FRMPD4: variants seen among roughly 807,000 people sequenced by gnomAD.
FRMPD4 encodes FERM and PDZ domain containing 4.
A neutral mutation model predicts 94.1 loss-of-function variants in FRMPD4; 22 were observed. The ratio of observed to expected loss-of-function variants is 0.23; its 90% CI spans 0.17 to 0.33. The LOEUF is 0.33. Among genes scored for constraint, FRMPD4 ranks in the 10% least tolerant of loss-of-function variants. FRMPD4 has a pLI of 1.00. For missense variants in FRMPD4, 1,111 were observed against 1,339.9 expected (o/e 0.83, Z 2.67); for synonymous variants, 631 against 548.6 (o/e 1.15, Z -2.10).
chrX:12,086,683 T>C (rs2055113975), intron 3 of FRMPD4, among the ~76,000 whole-genome samples: 1 of 111,750 alleles, frequency 8.9e-6, no homozygotes, highest in African/African-American at 3.3e-5. Flanking sequence ...GAGAACACTC[T>C]ATTCATTTTC....
At chrX:12,046,057 C>T (rs2054783326) in intron 3 of FRMPD4, among the ~76,000 whole-genome samples, 1 of 111,064 alleles carries the variant, frequency 9.0e-6, no homozygotes, top group Admixed American at 9.6e-5. Flanking sequence ...CATTCTAAAC[C>T]TTTATGATAA....
chrX:11,824,836 A>G (rs894987554), intron 1 of FRMPD4, among the ~76,000 whole-genome samples: 1 of 110,665 alleles, frequency 9.0e-6, no homozygotes. Context: ...GAGCTCCACA[A>G]TATTTTGTTG....
chrX:12,716,640 C>T lies in FRMPD4; in HGVS notation c.2181C>T (p.Ala727=), dbSNP rs752460391. The T allele has an allele frequency of 3.3e-6, 4 of 1,210,005 alleles. No homozygotes were observed. The highest frequency in any genetic ancestry group is 3.0e-5 in the East Asian group (1 of 33,832). Residue 727 remains alanine (A), a synonymous_variant, in exon 15 of 17, where the codon GCC becomes GCT. Transcript: ENST00000675598. ...ANIGDVKSFQ[A]AEGIEEPLLH... ...TAGGCGATGTGAAGAGCTTCCAGGCCGCGGAGGGGATCGAGGAACCCCTCT... is the reference window on the plus strand; with the variant it reads ...TAGGCGATGTGAAGAGCTTCCAGGCTGCGGAGGGGATCGAGGAACCCCTCT...
intron 1 of FRMPD4, among the ~76,000 whole-genome samples, chrX:12,262,223 C>T (rs183433068): frequency 2.7e-5 from 3 of 111,653 alleles, no homozygotes; most frequent in Non-Finnish European, 5.7e-5. Context: ...CTACAATAGC[C>T]TGTTTGGCCT....
upstream of FRMPD4, among the ~76,000 whole-genome samples, chrX:12,137,490 G>C (rs1443703461): frequency 8.9e-6 from 1 of 112,061 alleles, no homozygotes; most frequent in Non-Finnish European, 1.9e-5. Context: ...TCTGTTCTTT[G>C]CGGTGGCCCT....
intron 1 of FRMPD4, among the ~76,000 whole-genome samples, chrX:12,253,173 A>C (rs1280057112): frequency 8.9e-6 from 1 of 112,148 alleles, no homozygotes. Flanking sequence ...ACATAGACTT[A>C]CTGCCAGTCC....
At chrX:12,330,624 T>A (rs754987284) in intron 1 of FRMPD4, among the ~76,000 whole-genome samples, 11 of 111,637 alleles carry the variant, frequency 9.9e-5, no homozygotes, top group Non-Finnish European at 2.1e-4. Context: ...TTTTCCCTAG[T>A]GGTCGGTGGA....
chrX:12,281,933 C>G (rs2054532256), intron 1 of FRMPD4, among the ~76,000 whole-genome samples: 1 of 111,251 alleles, frequency 9.0e-6, no homozygotes, highest in African/African-American at 3.3e-5. Context: ...TTAATGAGAT[C>G]CCAAAGCCCA....
At chrX:12,186,636 C>T (rs1444774535) in intron 1 of FRMPD4, among the ~76,000 whole-genome samples, 1 of 111,222 alleles carries the variant, frequency 9.0e-6, no homozygotes, top group African/African-American at 3.3e-5. Flanking sequence ...TTCAAATGTG[C>T]CTTTGGTGTG....
At chrX:11,961,462 C>G (rs745888906) in intron 3 of FRMPD4, among the ~76,000 whole-genome samples, 1 of 112,285 alleles carries the variant, frequency 8.9e-6, no homozygotes, top group African/African-American at 3.2e-5. Context: ...CTAGAAATAT[C>G]TCCAGCTTTT....
intron 1 of FRMPD4, among the ~76,000 whole-genome samples, chrX:12,202,747 T>C (rs1157046864): frequency 8.9e-6 from 1 of 112,241 alleles, no homozygotes; most frequent in Non-Finnish European, 1.9e-5. Flanking sequence ...CCTAAATCGA[T>C]GTCTGGTGTC....
chrX:12,685,980 G>C (rs1350129846), intron 6 of FRMPD4, 117 bp from the exon 7 acceptor site: 1 of 392,001 alleles, frequency 2.6e-6, no homozygotes, highest in African/African-American at 2.6e-5. Context: ...GTTGGCCTTA[G>C]AGAGTTTGAT....
At chrX:12,624,531 G>A (rs898230200) in intron 4 of FRMPD4, among the ~76,000 whole-genome samples, 8 of 111,117 alleles carry the variant, frequency 7.2e-5, no homozygotes, top group Non-Finnish European at 1.3e-4. Context: ...CAAAAGATAA[G>A]GAGAAAGGAA....
chrX:12,557,157 C>T (rs2058604132), intron 2 of FRMPD4, among the ~76,000 whole-genome samples: 2 of 111,618 alleles, frequency 1.8e-5, no homozygotes, highest in Middle Eastern at 4.6e-3. Flanking sequence ...GTGATTACCC[C>T]AACCCTCCAA....
At position 12,239,862 on chromosome X, in the gene FRMPD4, T is replaced by G. The variant is rs773159499; in HGVS notation, c.41+100850T>G. Among the ~76,000 whole-genome samples the G allele has an allele frequency of 7.2e-5, 8 of 111,640 alleles. No individual in the cohort carries two copies. In the South Asian group the frequency reaches 2.7e-3, roughly 37 times the overall value. ...GTGATAGAGCTCTCCGGAGTCTCCTTCATAAGGAAACAAATCCCATTCATG... is the reference window on the plus strand; with the variant it reads ...GTGATAGAGCTCTCCGGAGTCTCCTGCATAAGGAAACAAATCCCATTCATG... On this transcript the variant is annotated intron_variant, in intron 1 of 16. Coordinates refer to ENST00000675598, the MANE Select transcript of FRMPD4 (RefSeq NM_001368397.1).
At chrX:12,217,676 T>G (rs756998048) in intron 1 of FRMPD4, among the ~76,000 whole-genome samples, 14 of 112,296 alleles carry the variant, frequency 1.2e-4, no homozygotes, top group Non-Finnish European at 2.4e-4. Flanking sequence ...AACCGTGCCC[T>G]GCTGGCTAAA....
chrX:11,891,184 GCCAGA>G (rs1569119515), intron 3 of FRMPD4, among the ~76,000 whole-genome samples: 1 of 112,319 alleles, frequency 8.9e-6, no homozygotes. Flanking sequence ...GGGAGCCAGT[GCCAGA>G]CCTTGAGCTG....
intron 1 of FRMPD4, among the ~76,000 whole-genome samples, chrX:11,853,576 A>G (rs925336638): frequency 3.6e-5 from 4 of 111,668 alleles, no homozygotes; most frequent in Non-Finnish European, 5.6e-5. Flanking sequence ...AATTCAAACA[A>G]CCATCAGGGA....
In FRMPD4 at chrX:12,178,486, T is replaced by C. The variant is rs1037003849; in HGVS notation, c.41+39474T>C. ...TAAGATATACTAGGCTTTGAGTAAA[T>C]TCTTGAGTTGCGATTGGGTGGCTCT... On this transcript the variant is annotated intron_variant, in intron 1 of 16. Transcript: ENST00000675598. 4.5e-5 allele frequency among the ~76,000 whole-genome samples: 5 copies of C among 110,294 alleles called. No homozygotes were observed. The Admixed American group carries it at 4.8e-4, about 11-fold the overall frequency.
Sources: gnomAD v4.1 joint callset for allele counts (sites outside exome capture counted in the v4.1 genomes callset) on GRCh38, gnomAD v4.1.1 for gene constraint, MANE v1.5 for transcripts, NCBI Gene and HGNC (gene_info 2026-07-23, HGNC 2026-07-21) for gene names.